Variants in PDS5B observed in about 807,000 individuals in gnomAD.
PDS5B encodes sister chromatid cohesion protein PDS5 homolog B.
A neutral mutation model predicts 184.1 loss-of-function variants in PDS5B; 51 were observed. The ratio of observed to expected loss-of-function variants is 0.28; its 90% CI spans 0.22 to 0.35. The LOEUF (loss-of-function observed/expected upper bound fraction) is 0.35, where lower values mean the gene tolerates loss of function less well. PDS5B is among the 10% of genes least tolerant of loss of function. The probability of loss-of-function intolerance (pLI) is 1.00; values close to 1 mark genes in which losing one functional copy is unlikely to be tolerated. For synonymous variants in PDS5B, 566 were observed against 569.2 expected (o/e 0.99, Z 0.08); for missense variants, 1,180 against 1,723.3 (o/e 0.68, Z 5.58).
At chr13:32,686,122 T>C (rs371317644) in intron 11 of PDS5B, among the ~76,000 whole-genome samples, 1 of 152,188 alleles carries the variant, frequency 6.6e-6, no homozygotes, top group South Asian at 2.1e-4. Flanking sequence ...TAATAATCTC[T>C]GCAGATTCAT....
At chr13:32,616,075 T>C (rs1460140384) in intron 1 of PDS5B, among the ~76,000 whole-genome samples, 1 of 151,564 alleles carries the variant, frequency 6.6e-6, no homozygotes, top group Non-Finnish European at 1.5e-5. Context: ...TTTTTTGAGA[T>C]GGAATTTTGC....
At position 32,658,423 on chromosome 13, in the gene PDS5B, C is replaced by G. The variant is rs1216335364; in HGVS notation, c.400-11C>G. ...ATGCTTAACTTTCACTTTTTTACAC[C>G]TTATTTTTAGAACATTGCTTGGGTC... On this transcript the variant is annotated splice_polypyrimidine_tract_variant and intron_variant, in intron 4 of 34. Coordinates refer to ENST00000315596, the MANE Select transcript of PDS5B (RefSeq NM_015032.4). 6.6e-7 allele frequency: 1 copy of G among 1,524,206 alleles called. No homozygotes were observed. The highest frequency in any genetic ancestry group is 9.0e-7 in the Non-Finnish European group (1 of 1,115,174). 94.4% of individuals were successfully genotyped at this position (1,524,206 alleles called of 1,614,324 possible).
chr13:32,635,601 C>CA (rs1173523432), intron 1 of PDS5B, among the ~76,000 whole-genome samples: 1 of 151,734 alleles, frequency 6.6e-6, no homozygotes, highest in Admixed American at 6.6e-5. Flanking sequence ...CTCAACCTCC[C>CA]AAAGTGCTGG....
intron 21 of PDS5B, among the ~76,000 whole-genome samples, chr13:32,738,361 A>T (rs1953413305): frequency 6.6e-6 from 1 of 152,220 alleles, no homozygotes; most frequent in Non-Finnish European, 1.5e-5. Flanking sequence ...GTTATTATAC[A>T]CTGTTGGGAG....
intron 1 of PDS5B, among the ~76,000 whole-genome samples, chr13:32,598,294 C>T (rs2057912919): frequency 1.3e-5 from 2 of 151,866 alleles, no homozygotes; most frequent in African/African-American, 2.4e-5. Context: ...AGGCTGGTCT[C>T]GAACTCCTGA....
chr13:32,646,369 G>GTTTTTTTT (rs58539534), intron 1 of PDS5B, among the ~76,000 whole-genome samples: 27 of 106,072 alleles, frequency 2.5e-4, no homozygotes, highest in African/African-American at 9.0e-4. Context: ...TCATGGCTGT[G>GTTTTTTTT]TTTTTTTTTT....
chr13:32,678,229 C>CA (rs1365484100), intron 9 of PDS5B, among the ~76,000 whole-genome samples: 8 of 152,166 alleles, frequency 5.3e-5, no homozygotes, highest in African/African-American at 1.7e-4. Flanking sequence ...GCTTAAGTGA[C>CA]ATATCAACCA....
chr13:32,634,046 C>T (rs979569607), intron 1 of PDS5B, among the ~76,000 whole-genome samples: 3 of 152,142 alleles, frequency 2.0e-5, no homozygotes, highest in Non-Finnish European at 4.4e-5. Context: ...TCTTCAAATA[C>T]TCTTATGTTA....
intron 17 of PDS5B, among the ~76,000 whole-genome samples, chr13:32,702,677 A>C (rs1951895792): frequency 6.6e-6 from 1 of 152,180 alleles, no homozygotes; most frequent in Non-Finnish European, 1.5e-5. Context: ...AATTAAGCTA[A>C]TTTGATAGTA....
At chr13:32,773,369 G>C in intron 34 of PDS5B, 45 bp downstream of exon 34, 1 of 1,519,718 alleles carries the variant, frequency 6.6e-7, no homozygotes, top group South Asian at 1.2e-5. Flanking sequence ...TATAAAAAGA[G>C]TTAGTAAATG....
chr13:32,602,006 G>A (rs2057982589), intron 1 of PDS5B, among the ~76,000 whole-genome samples: 1 of 151,914 alleles, frequency 6.6e-6, no homozygotes, highest in Non-Finnish European at 1.5e-5. Flanking sequence ...AAGAAGTTAG[G>A]TTTTAATATT....
intron 3 of PDS5B, among the ~76,000 whole-genome samples, chr13:32,656,883 A>G (rs993252666): frequency 2.0e-5 from 3 of 152,202 alleles, no homozygotes; most frequent in Non-Finnish European, 4.4e-5. Flanking sequence ...AGGCTGAGCC[A>G]CTGTGCCTGG....
chr13:32,757,978 G>T (rs1954246382), intron 26 of PDS5B, 109 bp from the exon 27 acceptor site: 3 of 427,340 alleles, frequency 7.0e-6, no homozygotes, highest in Non-Finnish European at 7.9e-6. Flanking sequence ...TTTTCTTCCT[G>T]GAGTTATATT....
intron 6 of PDS5B, among the ~76,000 whole-genome samples, chr13:32,664,365 T>A (rs899261164): frequency 6.6e-6 from 1 of 152,192 alleles, no homozygotes; most frequent in African/African-American, 2.4e-5. Flanking sequence ...TTTCAAAAAA[T>A]TTTCATTTGT....
chr13:32,693,575 C>T (rs1951614512), intron 13 of PDS5B, among the ~76,000 whole-genome samples: 1 of 151,266 alleles, frequency 6.6e-6, no homozygotes, highest in African/African-American at 2.4e-5. Context: ...AAAAGTTTTC[C>T]TTGTTTTTGG....
At chr13:32,635,170 G>GT (rs71071054) in intron 1 of PDS5B, among the ~76,000 whole-genome samples, 3 of 81,118 alleles carry the variant, frequency 3.7e-5, no homozygotes, top group East Asian at 3.7e-4. Context: ...AGCCAATTAC[G>GT]TTTTTTTTTT....
chr13:32,587,282 C>T (rs1288281573), intron 1 of PDS5B, among the ~76,000 whole-genome samples: 3 of 151,888 alleles, frequency 2.0e-5, no homozygotes, highest in Admixed American at 2.0e-4. Flanking sequence ...AAATCGCGCT[C>T]ACCGCGCCAC....
chr13:32,671,886 T>TG (rs1950947630), intron 7 of PDS5B, among the ~76,000 whole-genome samples: 1 of 152,188 alleles, frequency 6.6e-6, no homozygotes, highest in African/African-American at 2.4e-5. Context: ...AGGAAACCAT[T>TG]GAGGATACAT....
intron 13 of PDS5B, chr13:32,690,968 A>G (rs1311909802): frequency 3.9e-5 from 6 of 151,986 alleles, no homozygotes; most frequent in South Asian, 2.1e-4. Flanking sequence ...AGTACTTTAT[A>G]TTTATCTGTG....
Sources: gnomAD v4.1 joint callset for allele counts (sites outside exome capture counted in the v4.1 genomes callset) on GRCh38, gnomAD v4.1.1 for gene constraint, MANE v1.5 for transcripts, NCBI Gene and HGNC (gene_info 2026-07-23, HGNC 2026-07-21) for gene names.